Variants in CYP4F11 observed in about 807,000 individuals in gnomAD.
CYP4F11 encodes the protein cytochrome P450 4F11.
In CYP4F11, 79 loss-of-function variants were observed where a neutral mutation model predicts 62.2. The observed-to-expected ratio is 1.27, with a 90% CI of 1.06 to 1.53. CYP4F11 has a LOEUF of 1.53. Ranked by LOEUF, CYP4F11 falls within the 40% of genes most tolerant of loss-of-function variation. The probability of loss-of-function intolerance (pLI) is 0.00; values close to 1 mark genes in which losing one functional copy is unlikely to be tolerated. For synonymous variants in CYP4F11, 290 were observed against 263.7 expected (o/e 1.10, Z -0.97); for missense variants, 777 against 680.5 (o/e 1.14, Z -1.58).
At position 15,923,857 on chromosome 19, in the gene CYP4F11, T is replaced by G; in HGVS notation, c.873A>C (p.Ala291=). The G allele has an allele frequency of 2.5e-6, 4 of 1,614,232 alleles. No individual in the cohort carries two copies. Among genetic ancestry groups the G allele is most frequent in the Non-Finnish European group, 2.5e-6 (3 of 1,180,040 alleles). Reference sequence around the variant, plus strand: ...CAATGAAGTCTAAAGTCTTGGACTTTGCCTTGTTCTTGAGGAAATCATCAA... The same window carrying G: ...CAATGAAGTCTAAAGTCTTGGACTTGGCCTTGTTCTTGAGGAAATCATCAA... The part of the protein sequence containing the change: ...QGIDDFLKNK[A]KSKTLDFIDV... The change falls in exon 6 of 12, where the codon GCA becomes GCC. Residue 291 remains alanine (A), a synonymous_variant. Coordinates refer to ENST00000402119, the MANE Select transcript of CYP4F11 (RefSeq NM_021187.4).
chr19:15,928,341 A>T (rs2089685649), intron 2 of CYP4F11, among the ~76,000 whole-genome samples: 1 of 152,222 alleles, frequency 6.6e-6, no homozygotes, highest in Non-Finnish European at 1.5e-5. Context: ...ATAATGTAGA[A>T]AACATAGGCT....
At chr19:15,922,191 G>C in intron 7 of CYP4F11, 25 bp from the exon 8 acceptor site, 1 of 1,604,146 alleles carries the variant, frequency 6.2e-7, no homozygotes, top group South Asian at 1.1e-5. Context: ...AGCAAAACTG[G>C]GTTTCTGGGC....
chr19:15,914,028 G>A (rs752106203), intron 11 of CYP4F11, 119 bp from the exon 12 acceptor site: 3 of 1,297,398 alleles, frequency 2.3e-6, no homozygotes, highest in South Asian at 1.4e-5. Context: ...GCAGAAAGAG[G>A]GGATAAGTGT....
chr19:15,922,166 C>T lies in CYP4F11; in HGVS notation c.986G>A (p.Gly329Asp). The T allele has an allele frequency of 1.2e-6, 2 of 1,607,864 alleles. No homozygotes were observed. Among genetic ancestry groups the T allele is most frequent in the Non-Finnish European group, 1.7e-6 (2 of 1,177,642 alleles). Residue 329 changes from glycine (G) to aspartate (D), a missense_variant and splice_region_variant, in exon 8 of 12, where the codon GGC becomes GAC. By Grantham distance (94) the Gly-to-Asp change is moderately conservative. Transcript: ENST00000402119. ...RAEADTFMFE[G>D]HDTTASGLSW... ...GAGACCACTGGCTGTAGTGTCATGGCCTGAGGGGCAGCCAAGCAAAACTGG... is the reference window on the plus strand; with the variant it reads ...GAGACCACTGGCTGTAGTGTCATGGTCTGAGGGGCAGCCAAGCAAAACTGG...
chr19:15,931,541 C>G lies in CYP4F11; in HGVS notation c.199-1940G>C, dbSNP rs11491237. On this transcript the variant is annotated intron_variant, in intron 1 of 11. Coordinates refer to ENST00000402119, the MANE Select transcript of CYP4F11 (RefSeq NM_021187.4). ...ATGGCACATCAGAGGAATGAGTGAG[C>G]GGGGAGAGGAATGAGTGAGCGAGGA... 1.2e-4 allele frequency among the ~76,000 whole-genome samples: 9 copies of G among 73,316 alleles called. No individual in the cohort carries two copies. The South Asian group carries it at 3.0e-3, about 25-fold the overall frequency. 48.1% of individuals were successfully genotyped at this position (73,316 alleles called of 152,430 possible).
At chr19:15,918,149 A>G (rs186183806) in intron 8 of CYP4F11, among the ~76,000 whole-genome samples, 1 of 152,312 alleles carries the variant, frequency 6.6e-6, no homozygotes, top group Non-Finnish European at 1.5e-5. Flanking sequence ...ACATGGATGG[A>G]GCTGGAAGCC....
rs780997028 is a variant in CYP4F11, at chr19:15,927,489, A to G, written c.344-6T>C. 1.2e-6 allele frequency: 2 copies of G among 1,613,164 alleles called. No individual in the cohort carries two copies. The highest frequency in any genetic ancestry group is 1.3e-5 in the African/African-American group (1 of 75,004). On this transcript the variant is annotated splice_polypyrimidine_tract_variant and splice_region_variant and intron_variant, in intron 2 of 11. Transcript: ENST00000402119. ...ATCCTTGGGTGCGACAGCAGCTGAC[A>G]TGATTGAGGACCATCAGTGGCCATG...
chr19:15,914,516 G>A (rs2089566414), intron 10 of CYP4F11, 86 bp downstream of exon 10: 10 of 1,570,688 alleles, frequency 6.4e-6, no homozygotes, highest in Non-Finnish European at 8.7e-6. Context: ...GAGAGGTGAT[G>A]TTGGATTTTC....
chr19:15,922,552 A>G (rs1474525939), intron 6 of CYP4F11, 122 bp from the exon 7 acceptor site: 7 of 1,000,064 alleles, frequency 7.0e-6, no homozygotes, highest in African/African-American at 1.6e-5. Context: ...CCCATCATGC[A>G]CTCCTAGATG....
At chr19:15,917,157 G>A (rs1167026091) in intron 8 of CYP4F11, among the ~76,000 whole-genome samples, 1 of 152,130 alleles carries the variant, frequency 6.6e-6, no homozygotes, top group African/African-American at 2.4e-5. Context: ...TATTCTAAGT[G>A]AAGTAACTCA....
chr19:15,927,529 A>G (rs775576773), intron 2 of CYP4F11, 46 bp from the exon 3 acceptor site: 134 of 1,610,960 alleles, frequency 8.3e-5, no homozygotes, highest in Non-Finnish European at 1.1e-4. Flanking sequence ...GGGGTGAGAG[A>G]AGGACTTTGG....
In CYP4F11 at chr19:15,919,411, G is replaced by C. The variant is rs187436811; in HGVS notation, c.1115+2626C>G. 6.6e-3 allele frequency among the ~76,000 whole-genome samples: 900 copies of C among 135,446 alleles called. 10 individuals carry two copies. The highest frequency in any genetic ancestry group is 0.028 in the African/African-American group (872 of 31,404). 88.9% of individuals were successfully genotyped at this position (135,446 alleles called of 152,430 possible). A position where few individuals can be genotyped will look rare whatever the true frequency, so the allele number is the denominator to read the frequency against. ...GAATAGATAGGATAAAGGATGGATG[G>C]ACGGATGGATGGATGGATGGATGGA... On this transcript the variant is annotated intron_variant, in intron 8 of 11. Coordinates refer to ENST00000402119, the MANE Select transcript of CYP4F11 (RefSeq NM_021187.4).
rs1169183019 is a variant in CYP4F11 at position 15,914,381 on chromosome 19, C to T, written c.1321G>A (p.Asp441Asn). The T allele has an allele frequency of 6.8e-6, 11 of 1,613,640 alleles. No individual in the cohort carries two copies. Among genetic ancestry groups the T allele is most frequent in the South Asian group, 1.1e-5 (1 of 91,050 alleles). ...TTCTCTTGGTCGAAACGGAAGGGGT[C>T]GTAGACCTGCAGGTGAGACCAAGAA... The part of the protein sequence containing the change: ...PTVWPDPEVY[D>N]PFRFDQENIK... The change falls in exon 11 of 12, where the codon GAC (aspartate) becomes AAC (asparagine). Residue 441 changes from aspartate (D) to asparagine (N), a missense_variant. Asp to Asn is a conservative substitution (Grantham distance 23, BLOSUM62 1). Transcript: ENST00000402119.
At chr19:15,925,448 G>A (rs1489436766) in intron 4 of CYP4F11, among the ~76,000 whole-genome samples, 1 of 152,012 alleles carries the variant, frequency 6.6e-6, no homozygotes, top group African/African-American at 2.4e-5. Context: ...CATCTCCATT[G>A]CTATAAATTC....
At chr19:15,919,851 T>G (rs1406068826) in intron 8 of CYP4F11, among the ~76,000 whole-genome samples, 2 of 152,132 alleles carry the variant, frequency 1.3e-5, no homozygotes, top group African/African-American at 4.8e-5. Context: ...ATGATCTCAA[T>G]TACCTGTGAG....
Position 15,929,515 on chromosome 19 carries a change from G to A in CYP4F11, c.285C>T (p.Thr95=). The A allele has an allele frequency of 3.7e-6, 6 of 1,607,138 alleles. No homozygotes were observed. The East Asian group carries it at 1.3e-4, about 36-fold the overall frequency. ...PQGFKLWLGP[T]FPLLILCHPD... Reference sequence around the variant, plus strand: ...GGTGGCATAAAATGAGGAGGGGGAAGGTAGGACCCAGCCACAACTTAAAGC... The same window carrying A: ...GGTGGCATAAAATGAGGAGGGGGAAAGTAGGACCCAGCCACAACTTAAAGC... Residue 95 remains threonine (T), a synonymous_variant, in exon 2 of 12, where the codon ACC becomes ACT. Coordinates refer to ENST00000402119, the MANE Select transcript of CYP4F11 (RefSeq NM_021187.4).
In CYP4F11 at chr19:15,913,546, T is replaced by C; in HGVS notation, c.*186A>G. 1.4e-6 allele frequency: 1 copy of C among 703,574 alleles called. No homozygotes were observed. The highest frequency in any genetic ancestry group is 2.8e-5 in the East Asian group (1 of 35,914). 43.6% of individuals were successfully genotyped at this position (703,574 alleles called of 1,614,324 possible). A position where few individuals can be genotyped will look rare whatever the true frequency, so the allele number is the denominator to read the frequency against. ...CACTAAGGGCCTAGATGCCCTGTGC[T>C]CAGCCAGAGAGGCCGTCAGGGTTTT... On this transcript the variant is annotated 3_prime_UTR_variant, in exon 12 of 12. Coordinates refer to ENST00000402119, the MANE Select transcript of CYP4F11 (RefSeq NM_021187.4).
chr19:15,913,810 G>T lies in CYP4F11; in HGVS notation c.1497C>A (p.Arg499=), dbSNP rs1023022914. ...FRILPTHTEP[R]RKPELILRAE... is the part of the protein sequence containing the mutation. ...CGCGCAATATCAGCTCGGGTTTCCT[G>T]CGGGGTTCAGTGTGGGTCGGCAGGA... Residue 499 remains arginine, a synonymous_variant, in exon 12 of 12, where the codon CGC becomes CGA. Transcript: ENST00000402119. The T allele has an allele frequency of 3.7e-6, 6 of 1,614,196 alleles. No individual in the cohort carries two copies. Among genetic ancestry groups the T allele is most frequent in the Admixed American group, 1.7e-5 (1 of 60,026 alleles).
Position 15,913,665 on chromosome 19 carries a change from T to A in CYP4F11, c.*67A>T. The A allele has an allele frequency of 6.3e-7, 1 of 1,594,286 alleles. No individual in the cohort carries two copies. The highest frequency in any genetic ancestry group is 8.6e-7 in the Non-Finnish European group (1 of 1,166,236). ...GCCCCATGCTGGCTGTCAACGAGGC[T>A]CAAGCAGAGGTGTCAGCATAGTTTT... On this transcript the variant is annotated 3_prime_UTR_variant, in exon 12 of 12. Coordinates refer to ENST00000402119, the MANE Select transcript of CYP4F11 (RefSeq NM_021187.4).
Sources: allele counts gnomAD v4.1 joint callset (sites outside exome capture counted in the v4.1 genomes callset), GRCh38; gene constraint gnomAD v4.1.1; transcripts MANE v1.5; gene names NCBI Gene and HGNC (gene_info 2026-07-23, HGNC 2026-07-21).